PPP2R5C: variants seen among roughly 807,000 people sequenced by gnomAD.
PPP2R5C encodes the protein serine/threonine-protein phosphatase 2A 56 kDa regulatory subunit gamma isoform.
Under a neutral mutation model 68.9 loss-of-function variants are expected in PPP2R5C, and 7 were observed. The ratio of observed to expected loss-of-function variants is 0.10; its 90% CI spans 0.06 to 0.19. The LOEUF is 0.19. Ranked by LOEUF, PPP2R5C falls within the 10% of genes least tolerant of loss-of-function variation. PPP2R5C has a pLI of 1.00. For synonymous variants in PPP2R5C, 210 were observed against 222.2 expected (o/e 0.95, Z 0.49); for missense variants, 348 against 641.3 (o/e 0.54, Z 4.94).
rs2046747217 is a variant in PPP2R5C, at chr14:101,917,522, G to A, written c.1327-309G>A. Among the ~76,000 whole-genome samples, 1 of 152,138 alleles carries A rather than the reference G, an allele frequency of 6.6e-6. No homozygotes were observed. Among genetic ancestry groups the A allele is most frequent in the Admixed American group, 6.5e-5 (1 of 15,270 alleles). ...AGCCCAGGGTGCGACCTCGCACTTGGCTGCTCACGTGGAGTCAGAACTGCA... is the reference window on the plus strand; with the variant it reads ...AGCCCAGGGTGCGACCTCGCACTTGACTGCTCACGTGGAGTCAGAACTGCA... On this transcript the variant is annotated intron_variant, in intron 12 of 13. Transcript: ENST00000334743. The surrounding 1 kb of genome is among the most constrained non-coding windows in gnomAD (Gnocchi z 4.4).
intron 2 of PPP2R5C, among the ~76,000 whole-genome samples, chr14:101,772,449 ATTTAT>A (rs1025072013): frequency 2.6e-5 from 4 of 151,998 alleles, no homozygotes; most frequent in African/African-American, 9.7e-5. Flanking sequence ...ATTTTCTCTT[ATTTAT>A]TTATTTATTT....
intron 3 of PPP2R5C, among the ~76,000 whole-genome samples, 192 bp downstream of exon 3, chr14:101,786,375 G>A (rs552133790): frequency 6.6e-6 from 1 of 151,390 alleles, no homozygotes; most frequent in East Asian, 1.9e-4. Flanking sequence ...TTAAATTCCA[G>A]AGCTATTCAA....
upstream of PPP2R5C, among the ~76,000 whole-genome samples, chr14:101,808,393 C>T (rs1260853589): frequency 6.6e-6 from 1 of 152,190 alleles, no homozygotes; most frequent in Non-Finnish European, 1.5e-5. Context: ...GAAATCACAT[C>T]ATCTCCTGGC....
chr14:101,810,216 C>A, intron 1 of PPP2R5C: 1 of 615,262 alleles, frequency 1.6e-6, no homozygotes, highest in Non-Finnish European at 2.9e-6. Context: ...GAACTACTTA[C>A]AGAATTTGAG....
intron 1 of PPP2R5C, 116 bp downstream of exon 1, chr14:101,762,036 G>C: frequency 9.6e-7 from 1 of 1,045,468 alleles, no homozygotes; most frequent in Non-Finnish European, 1.2e-6. Flanking sequence ...CTGACGCCGC[G>C]GGCTTCGCGT....
chr14:101,769,359 C>T (rs534100027), intron 2 of PPP2R5C, among the ~76,000 whole-genome samples: 1 of 152,168 alleles, frequency 6.6e-6, no homozygotes, highest in African/African-American at 2.4e-5. Context: ...CAGTTGAGCT[C>T]GAGTCTTCTT....
intron 1 of PPP2R5C, among the ~76,000 whole-genome samples, chr14:101,844,985 A>C (rs2041735607): frequency 6.6e-6 from 1 of 152,210 alleles, no homozygotes. Flanking sequence ...TTGAGCATTT[A>C]GTAATCAGTG....
intron 1 of PPP2R5C, among the ~76,000 whole-genome samples, chr14:101,851,532 T>G (rs2042154121): frequency 6.6e-6 from 1 of 151,946 alleles, no homozygotes; most frequent in African/African-American, 2.4e-5. Context: ...AGCTGCTTAG[T>G]GAATATTACG....
At chr14:101,887,436 C>T (rs555377713) in intron 5 of PPP2R5C, among the ~76,000 whole-genome samples, 2 of 152,196 alleles carry the variant, frequency 1.3e-5, no homozygotes. Context: ...CAGGAGCCAC[C>T]GCCAGCTCAG....
At chr14:101,782,722 C>G (rs1273536951) in intron 2 of PPP2R5C, among the ~76,000 whole-genome samples, 4 of 5,870 alleles carry the variant, frequency 6.8e-4, no homozygotes, top group African/African-American at 2.5e-3. Context: ...TTTCTCCCCC[C>G]CTTTCCACTT....
intron 1 of PPP2R5C, among the ~76,000 whole-genome samples, chr14:101,853,271 A>G (rs987722710): frequency 3.9e-5 from 6 of 152,128 alleles, no homozygotes; most frequent in African/African-American, 1.4e-4. Context: ...TAAAAAAAAA[A>G]TAGTCAAATG....
At position 101,781,878 on chromosome 14, in the gene PPP2R5C, C is replaced by T. The variant is rs973804341; in HGVS notation, c.94-4140C>T. On this transcript the variant is annotated intron_variant, in intron 2 of 14. Transcript: ENST00000328724. This position sits in a 1 kb window ranked among gnomAD's most constrained non-coding sequence, Gnocchi z 6.4. ...TGGCCGTGGCCGTGGCCAGGTGTAC[C>T]GGAGCGGCACCCAGGAGCCCGCCCT... Among the ~76,000 whole-genome samples, 2 of 151,836 alleles carry T rather than the reference C, an allele frequency of 1.3e-5. No individual in the cohort carries two copies. Among genetic ancestry groups the T allele is most frequent in the African/African-American group, 2.4e-5 (1 of 41,326 alleles).
At chr14:101,851,869 G>C (rs1011979607) in intron 1 of PPP2R5C, among the ~76,000 whole-genome samples, 1 of 151,922 alleles carries the variant, frequency 6.6e-6, no homozygotes, top group South Asian at 2.1e-4. Flanking sequence ...GGTGCATAGT[G>C]ACAATTTAGT....
intron 2 of PPP2R5C, among the ~76,000 whole-genome samples, chr14:101,770,899 A>C (rs1468110273): frequency 6.6e-6 from 1 of 152,248 alleles, no homozygotes; most frequent in African/African-American, 2.4e-5. Flanking sequence ...ATCACAGGGA[A>C]GATTCATCTG....
intron 2 of PPP2R5C, among the ~76,000 whole-genome samples, chr14:101,872,287 A>G (rs1857366668): frequency 7.2e-6 from 1 of 138,458 alleles, no homozygotes. Context: ...ATAGTGGTGC[A>G]ATCACGGCTC....
chr14:101,828,704 G>A (rs887138390), intron 1 of PPP2R5C, among the ~76,000 whole-genome samples: 1 of 130,072 alleles, frequency 7.7e-6, no homozygotes, highest in African/African-American at 2.9e-5. Context: ...TTTAGACAGT[G>A]TCTCACTCTG....
At chr14:101,903,322 G>A (rs567079772) in intron 9 of PPP2R5C, among the ~76,000 whole-genome samples, 58 of 152,352 alleles carry the variant, frequency 3.8e-4, no homozygotes, top group African/African-American at 1.2e-3. Context: ...ATAAAAGCAT[G>A]TGACAGGGCA....
intron 8 of PPP2R5C, among the ~76,000 whole-genome samples, chr14:101,895,184 G>A (rs1244871070): frequency 2.0e-5 from 3 of 152,106 alleles, no homozygotes; most frequent in Admixed American, 6.6e-5. Flanking sequence ...TCAGGTGCCA[G>A]TTTAAGCATT....
chr14:101,925,001 T>C (rs2047220165), intron 13 of PPP2R5C, 140 bp from the exon 16 acceptor site: 2 of 942,194 alleles, frequency 2.1e-6, no homozygotes, highest in East Asian at 2.4e-5. Context: ...ACCTACGCCG[T>C]TTCCCTGTGG....
Sources: allele counts gnomAD v4.1 joint callset (sites outside exome capture counted in the v4.1 genomes callset), GRCh38; gene constraint gnomAD v4.1.1; non-coding constraint Gnocchi (gnomAD v3.1); transcripts MANE v1.5; gene names NCBI Gene and HGNC (gene_info 2026-07-23, HGNC 2026-07-21).